Variants in CDH22 observed in about 807,000 individuals in gnomAD.
CDH22 encodes cadherin 22, also known as cadherin-22.
Under a neutral mutation model 58.4 loss-of-function variants are expected in CDH22, and 30 were observed. The observed-to-expected ratio is 0.51, with a 90% CI of 0.38 to 0.70. The LOEUF (loss-of-function observed/expected upper bound fraction) is 0.70, where lower values mean the gene tolerates loss of function less well. CDH22 is among the 30% of genes least tolerant of loss of function. CDH22 has a pLI of 0.00. For synonymous variants in CDH22, 513 were observed against 558.2 expected (o/e 0.92, Z 1.14); for missense variants, 1,014 against 1,233.9 (o/e 0.82, Z 2.67).
chr20:46,199,947 T>TCTC (rs1555801611), intron 7 of CDH22, among the ~76,000 whole-genome samples: 18 of 150,596 alleles, frequency 1.2e-4, no homozygotes, highest in African/African-American at 4.2e-4. Flanking sequence ...CCTTCCTTCT[T>TCTC]TTTCTTTTTT....
intron 7 of CDH22, among the ~76,000 whole-genome samples, chr20:46,200,938 C>T (rs1265819595): frequency 1.3e-5 from 2 of 152,166 alleles, no homozygotes; most frequent in Non-Finnish European, 2.9e-5. Context: ...ACACGGCCGC[C>T]GGCTCCTCCC....
intron 3 of CDH22, among the ~76,000 whole-genome samples, chr20:46,239,249 G>T (rs879699082): frequency 6.6e-6 from 1 of 152,234 alleles, no homozygotes; most frequent in Admixed American, 6.5e-5. Context: ...TTGAATGAAT[G>T]AATATACTCA....
chr20:46,284,190 A>C (rs1017776211), intron 1 of CDH22, among the ~76,000 whole-genome samples: 1 of 151,852 alleles, frequency 6.6e-6, no homozygotes, highest in Non-Finnish European at 1.5e-5. Context: ...ACAGACCCAG[A>C]TCTTCCTGGA....
At position 46,178,516 on chromosome 20, in the gene CDH22, C is replaced by T. The variant is rs76505966; in HGVS notation, c.1664-319G>A. Reference sequence around the variant, plus strand: ...AGCTATTCTAAGATTTTGTCCTCAGCTGTGCCAAGGTCCCCAGCTATTCCC... The same window carrying T: ...AGCTATTCTAAGATTTTGTCCTCAGTTGTGCCAAGGTCCCCAGCTATTCCC... On this transcript the variant is annotated intron_variant, in intron 10 of 11. Transcript: ENST00000537909. 2.8e-3 allele frequency among the ~76,000 whole-genome samples: 420 copies of T among 151,692 alleles called. 27 individuals carry two copies. The East Asian group carries it at 0.077, about 28-fold the overall frequency.
chr20:46,278,266 G>C (rs1015278721), intron 1 of CDH22, among the ~76,000 whole-genome samples: 2 of 152,222 alleles, frequency 1.3e-5, no homozygotes, highest in Non-Finnish European at 2.9e-5. Context: ...GGGCTTGCAG[G>C]CCCTTCAGCT....
At chr20:46,245,348 C>G (rs1294461651) in intron 2 of CDH22, among the ~76,000 whole-genome samples, 1 of 152,178 alleles carries the variant, frequency 6.6e-6, no homozygotes, top group Non-Finnish European at 1.5e-5. Flanking sequence ...GTTCCTGCCC[C>G]GTACACATGC....
At chr20:46,202,306 C>T (rs2085967063) in intron 7 of CDH22, among the ~76,000 whole-genome samples, 1 of 151,848 alleles carries the variant, frequency 6.6e-6, no homozygotes. Context: ...GCGACTCTGT[C>T]ACAGAACTGA....
chr20:46,297,164 G>A (rs889782900), intron 1 of CDH22, among the ~76,000 whole-genome samples: 1 of 152,200 alleles, frequency 6.6e-6, no homozygotes, highest in Non-Finnish European at 1.5e-5. Flanking sequence ...GTGGCATGAG[G>A]GCTCGAAGCC....
At chr20:46,185,122 C>T (rs3091759) in intron 10 of CDH22, among the ~76,000 whole-genome samples, 1 of 65,978 alleles carries the variant, frequency 1.5e-5, no homozygotes, top group African/African-American at 7.3e-5. Flanking sequence ...AAAAAAACCC[C>T]ACACGCATAC....
intron 1 of CDH22, among the ~76,000 whole-genome samples, chr20:46,267,706 C>A (rs1449049809): frequency 6.6e-6 from 1 of 152,276 alleles, no homozygotes; most frequent in Admixed American, 6.5e-5. Flanking sequence ...GCATGATTTT[C>A]TTCCCTTCCT....
At chr20:46,268,150 T>C (rs1248633511) in intron 1 of CDH22, among the ~76,000 whole-genome samples, 3 of 152,280 alleles carry the variant, frequency 2.0e-5, no homozygotes, top group South Asian at 4.1e-4. Context: ...AGCTACAGGG[T>C]CAAAACCGTC....
chr20:46,177,935 G>C lies in CDH22; in HGVS notation c.1915+11C>G. 1 of 1,612,916 alleles carries C rather than the reference G, an allele frequency of 6.2e-7. No individual in the cohort carries two copies. Among genetic ancestry groups the C allele is most frequent in the Non-Finnish European group, 8.5e-7 (1 of 1,179,424 alleles). Reference sequence around the variant, plus strand: ...AATCAGGCAGGGCTGGGTGGCTCTCGATGGACTCACCAACCAGGATGAGAA... The same window carrying C: ...AATCAGGCAGGGCTGGGTGGCTCTCCATGGACTCACCAACCAGGATGAGAA... On this transcript the variant is annotated intron_variant, in intron 11 of 11. Transcript: ENST00000537909.
At chr20:46,176,319 C>T (rs994307975) in intron 11 of CDH22, among the ~76,000 whole-genome samples, 8 of 152,226 alleles carry the variant, frequency 5.3e-5, no homozygotes, top group Admixed American at 2.0e-4. Flanking sequence ...CTACTCAACA[C>T]GCCCTCTTGT....
intron 4 of CDH22, chr20:46,219,966 G>A (rs1046929256): frequency 1.7e-4 from 26 of 152,576 alleles, no homozygotes; most frequent in African/African-American, 5.8e-4. Context: ...GGGTTGGAAA[G>A]AGAGAATGGA....
In CDH22 at chr20:46,238,209, C is replaced by T. The variant is rs149012384; in HGVS notation, c.550+2754G>A. On this transcript the variant is annotated intron_variant, in intron 3 of 11. Transcript: ENST00000537909. ...CCTTCTCTAGCATCAGCTCTCCCCA[C>T]CTTTCTGGACTTTTTAATGCAGAAA... is the stretch of plus-strand genomic sequence containing the variant. 7.7e-3 allele frequency among the ~76,000 whole-genome samples: 1,177 copies of T among 152,312 alleles called. 19 individuals are homozygous for T. Among genetic ancestry groups the T allele is most frequent in the Admixed American group, 0.026 (404 of 15,300 alleles).
At chr20:46,287,738 A>G (rs1255477759) in intron 1 of CDH22, among the ~76,000 whole-genome samples, 1 of 151,978 alleles carries the variant, frequency 6.6e-6, no homozygotes, top group East Asian at 1.9e-4. Flanking sequence ...GAAGCAGAGG[A>G]TTGGCATGAA....
In CDH22 at chr20:46,217,008, G is replaced by C; in HGVS notation, c.671-15C>G. The C allele has an allele frequency of 6.3e-7, 1 of 1,579,520 alleles. No individual in the cohort carries two copies. Among genetic ancestry groups the C allele is most frequent in the Non-Finnish European group, 8.6e-7 (1 of 1,156,462 alleles). ...CCGGATTACGCCTGTGGGTGAGTGA[G>C]GGTGAGGCCAGGGCACCCCACACCA... On this transcript the variant is annotated splice_polypyrimidine_tract_variant and intron_variant, in intron 4 of 11. Transcript: ENST00000537909.
chr20:46,188,413 G>A (rs73622655), intron 8 of CDH22, among the ~76,000 whole-genome samples: 1 of 152,062 alleles, frequency 6.6e-6, no homozygotes, highest in African/African-American at 2.4e-5. Flanking sequence ...ATTATGCCTA[G>A]CGTTCCATTA....
chr20:46,288,648 C>T lies in CDH22; in HGVS notation c.-400+19607G>A, dbSNP rs560830929. 3.9e-5 allele frequency among the ~76,000 whole-genome samples: 6 copies of T among 152,336 alleles called. No individual in the cohort carries two copies. In the South Asian group the frequency reaches 1.2e-3, roughly 32 times the overall value. ...GAGAACATAAATTCAAAAACTGCTC[C>T]TCTTCCAGCATTCCCCAGTTCGGTA... On this transcript the variant is annotated intron_variant, in intron 1 of 11. Coordinates refer to ENST00000537909, the MANE Select transcript of CDH22 (RefSeq NM_021248.3).
Sources: gnomAD v4.1 joint callset for allele counts (sites outside exome capture counted in the v4.1 genomes callset) on GRCh38, gnomAD v4.1.1 for gene constraint, MANE v1.5 for transcripts, NCBI Gene and HGNC (gene_info 2026-07-23, HGNC 2026-07-21) for gene names.